The following NEK1 variants were observed in gnomAD, a reference collection of about 807,000 sequenced individuals.
NEK1 encodes the protein serine/threonine-protein kinase Nek1.
In NEK1, 137 loss-of-function variants were observed where a neutral mutation model predicts 182.1. The ratio of observed to expected loss-of-function variants is 0.75; its 90% CI spans 0.65 to 0.87. The LOEUF (loss-of-function observed/expected upper bound fraction) is 0.87. Among genes scored for constraint, NEK1 ranks in the 40% least tolerant of loss-of-function variants. NEK1 has a pLI of 0.00. For synonymous variants in NEK1, 513 were observed against 492.2 expected (o/e 1.04, Z -0.56); for missense variants, 1,391 against 1,494.4 (o/e 0.93, Z 1.14).
intron 31 of NEK1, among the ~76,000 whole-genome samples, chr4:169,422,492 G>C (rs892812891): frequency 6.6e-6 from 1 of 151,870 alleles, no homozygotes; most frequent in Non-Finnish European, 1.5e-5. Flanking sequence ...CCTCAATCAA[G>C]AAAAAAATCC....
At chr4:169,509,317 C>T (rs1753820040) in intron 19 of NEK1, among the ~76,000 whole-genome samples, 1 of 152,064 alleles carries the variant, frequency 6.6e-6, no homozygotes, top group Non-Finnish European at 1.5e-5. Flanking sequence ...CTCAATCAAA[C>T]TCTGTGCACT....
chr4:169,497,594 G>A (rs1305967380), intron 23 of NEK1, among the ~76,000 whole-genome samples: 1 of 152,124 alleles, frequency 6.6e-6, no homozygotes, highest in Non-Finnish European at 1.5e-5. Context: ...CAGAGATTCT[G>A]GTATGTTGTG....
intron 19 of NEK1, among the ~76,000 whole-genome samples, chr4:169,529,436 C>A (rs1757360975): frequency 6.6e-6 from 1 of 151,984 alleles, no homozygotes; most frequent in African/African-American, 2.4e-5. Context: ...ACGTCTTCTT[C>A]CTGGATCATA....
chr4:169,550,779 C>T (rs774144978), intron 18 of NEK1, among the ~76,000 whole-genome samples: 24 of 152,132 alleles, frequency 1.6e-4, no homozygotes, highest in Non-Finnish European at 3.4e-4. Flanking sequence ...AAGTCTAACA[C>T]ACATATTTTC....
rs1336432535 is a variant in NEK1, at chr4:169,585,476, T to C, written c.680A>G (p.Tyr227Cys). ...SGSFPPVSLHYSYDLRSLVSQ... is the reference protein window; with the variant it reads ...SGSFPPVSLHCSYDLRSLVSQ... ...CACCAAACTGCGGAGATCATAGGAATAATGCAAAGACACAGGTGGAAAAGA... is the reference window on the plus strand; with the variant it reads ...CACCAAACTGCGGAGATCATAGGAACAATGCAAAGACACAGGTGGAAAAGA... Residue 227 changes from tyrosine (Y) to cysteine (C), a missense_variant, in exon 10 of 36, where the codon TAT becomes TGT. This residue lies in a region of NEK1 where 1,216 missense variants were observed against 1,277.6 expected (regional missense o/e 0.95). Coordinates refer to ENST00000507142, the MANE Select transcript of NEK1 (RefSeq NM_001199397.3). 6.2e-7 allele frequency: 1 copy of C among 1,613,560 alleles called. No individual in the cohort carries two copies.
intron 29 of NEK1, among the ~76,000 whole-genome samples, chr4:169,431,540 G>A (rs2092602139): frequency 6.9e-6 from 1 of 145,428 alleles, no homozygotes; most frequent in African/African-American, 2.5e-5. Flanking sequence ...AGGAAAAAAT[G>A]TATACAAACA....
intron 23 of NEK1, among the ~76,000 whole-genome samples, chr4:169,490,530 T>C (rs1749868816): frequency 6.6e-6 from 1 of 152,046 alleles, no homozygotes; most frequent in African/African-American, 2.4e-5. Flanking sequence ...AGTAATGATC[T>C]TACGGAAACT....
chr4:169,496,706 T>G (rs1250032354), intron 23 of NEK1, among the ~76,000 whole-genome samples: 8 of 151,500 alleles, frequency 5.3e-5, no homozygotes, highest in African/African-American at 1.7e-4. Context: ...TGGATTACGT[T>G]TATTGATTTG....
At chr4:169,605,398 T>C (rs1771172240) in intron 2 of NEK1, among the ~76,000 whole-genome samples, 2 of 152,188 alleles carry the variant, frequency 1.3e-5, no homozygotes, top group Non-Finnish European at 2.9e-5. Context: ...AACAAAAGAC[T>C]TGTGGTAGAT....
At chr4:169,607,813 T>C (rs1468229533) in intron 2 of NEK1, among the ~76,000 whole-genome samples, 2 of 152,016 alleles carry the variant, frequency 1.3e-5, no homozygotes, top group Admixed American at 1.3e-4. Flanking sequence ...ATATAAAATA[T>C]CTGAAATTAA....
chr4:169,541,146 T>C (rs112024912), intron 18 of NEK1, among the ~76,000 whole-genome samples: 183 of 152,236 alleles, frequency 1.2e-3, no homozygotes, highest in Non-Finnish European at 2.1e-3. Context: ...GATGGGGTGG[T>C]ACAGGATTAC....
At chr4:169,446,242 G>T (rs1740537849) in intron 27 of NEK1, among the ~76,000 whole-genome samples, 1 of 151,720 alleles carries the variant, frequency 6.6e-6, no homozygotes, top group Non-Finnish European at 1.5e-5. Context: ...ATCAACAAAA[G>T]TTGGCGTTTT....
chr4:169,472,631 C>G (rs934454731), intron 26 of NEK1, among the ~76,000 whole-genome samples: 6 of 152,212 alleles, frequency 3.9e-5, no homozygotes, highest in Admixed American at 3.9e-4. Context: ...ACCTTTGCCT[C>G]CATGCATCCT....
chr4:169,453,901 T>C (rs1468257577), intron 27 of NEK1, among the ~76,000 whole-genome samples: 1 of 152,110 alleles, frequency 6.6e-6, no homozygotes, highest in African/African-American at 2.4e-5. Flanking sequence ...GCGGCTGGGT[T>C]AGGGTCTCCC....
intron 19 of NEK1, among the ~76,000 whole-genome samples, chr4:169,525,497 A>G (rs1756758169): frequency 2.0e-5 from 3 of 152,216 alleles, no homozygotes; most frequent in African/African-American, 7.2e-5. Context: ...TCTTTTCAAA[A>G]TAAACTTAGC....
rs1762903043 is a variant in NEK1, at chr4:169,561,551, C to G, written c.1195G>C (p.Glu399Gln). 1 of 1,612,940 alleles carries G rather than the reference C, an allele frequency of 6.2e-7. No homozygotes were observed. Among genetic ancestry groups the G allele is most frequent in the East Asian group, 2.2e-5 (1 of 44,798 alleles). ...QMKRQEKERL[E>Q]RINRAREQGW... ...TGTTCCCTGGCCCTATTTATTCTTT[C>G]CAACTTTGGGGAAAAGAAATAAACA... The change falls in exon 16 of 36, where the codon GAA becomes CAA. Residue 399 changes from glutamate (E) to glutamine (Q), a missense_variant. By Grantham distance (29) the Glu-to-Gln change is conservative. Around this residue, in one of 5 missense-constraint regions of NEK1, gnomAD observed 1,216 missense variants for 1,277.6 expected, o/e 0.95. Coordinates refer to ENST00000507142, the MANE Select transcript of NEK1 (RefSeq NM_001199397.3).
At chr4:169,410,420 T>C (rs990289698) in intron 31 of NEK1, among the ~76,000 whole-genome samples, 1 of 152,244 alleles carries the variant, frequency 6.6e-6, no homozygotes, top group Non-Finnish European at 1.5e-5. Flanking sequence ...ATTCTACTCA[T>C]AGTAATTCTA....
chr4:169,577,047 A>G lies in NEK1; in HGVS notation c.901T>C (p.Ser301Pro), dbSNP rs777255986. 4.3e-6 allele frequency: 7 copies of G among 1,613,758 alleles called. No individual in the cohort carries two copies. Among genetic ancestry groups the G allele is most frequent in the Non-Finnish European group, 5.1e-6 (6 of 1,179,768 alleles). ...KRPASGQNSI[S>P]VMPAQKITKP... The stretch of plus-strand genomic sequence containing the variant: ...GTAATTTTCTGAGCAGGCATAACAG[A>G]AATCGAGTTTTGTCCTGAAGCTGGT... Residue 301 changes from serine (S) to proline (P), a missense_variant, in exon 12 of 36, where the codon TCT (serine) becomes CCT (proline). This residue lies in a region of NEK1 where 1,216 missense variants were observed against 1,277.6 expected (regional missense o/e 0.95). Transcript: ENST00000507142.
At chr4:169,537,399 A>G (rs952954082) in intron 19 of NEK1, among the ~76,000 whole-genome samples, 31 of 152,176 alleles carry the variant, frequency 2.0e-4, no homozygotes, top group African/African-American at 7.5e-4. Context: ...TACTTACCCA[A>G]ATACTTATTT....
Sources: allele counts gnomAD v4.1 joint callset (sites outside exome capture counted in the v4.1 genomes callset), GRCh38; gene constraint gnomAD v4.1.1; regional missense constraint gnomAD v4.1.1; transcripts MANE v1.5; gene names NCBI Gene and HGNC (gene_info 2026-07-23, HGNC 2026-07-21).